WWOX: variants seen among roughly 807,000 people sequenced by gnomAD.
The protein encoded by WWOX is WW domain-containing oxidoreductase.
Under a neutral mutation model 46.2 loss-of-function variants are expected in WWOX, and 69 were observed. The ratio of observed to expected loss-of-function variants is 1.49; its 90% CI spans 1.23 to 1.82. WWOX has a LOEUF of 1.82. Ranked by LOEUF, WWOX falls within the 40% of genes most tolerant of loss-of-function variation. The pLI, the probability that WWOX is intolerant of heterozygous loss-of-function variation, is 0.00. For missense variants in WWOX, 919 were observed against 542.6 expected (o/e 1.69, Z -6.89); for synonymous variants, 359 against 202.6 (o/e 1.77, Z -6.56).
rs1378115402 is a variant in WWOX at position 78,264,013 on chromosome 16, TTTG to T, written c.516+99727_516+99729del. The stretch of plus-strand genomic sequence containing the variant: ...TGTGAAATCTTTTTTTTTTTTTTTT[TTTG>T]TTTTTTTGCTGTGGAGCGCAAAATG... On this transcript the variant is annotated intron_variant, in intron 5 of 8. Transcript: ENST00000566780. 9.9e-4 allele frequency among the ~76,000 whole-genome samples: 139 copies of T among 140,328 alleles called. 33 individuals carry two copies. The highest frequency in any genetic ancestry group is 6.5e-3 in the South Asian group (27 of 4,154). The allele number at this position is 140,328 out of a possible 152,430, so 92.1% of individuals were successfully genotyped here. A position where few individuals can be genotyped will look rare whatever the true frequency, so the allele number is the denominator to read the frequency against.
intron 8 of WWOX, among the ~76,000 whole-genome samples, chr16:78,457,852 C>T (rs969607795): frequency 1.4e-5 from 2 of 143,928 alleles, no homozygotes; most frequent in African/African-American, 5.4e-5. Flanking sequence ...GGAGGCGGAG[C>T]TTTCAGTGAG....
rs562969137 is a variant in WWOX, at chr16:78,178,002, A to T, written c.516+13713A>T. Among the ~76,000 whole-genome samples, 322 of 152,348 alleles carry T rather than the reference A, an allele frequency of 2.1e-3. 2 individuals are homozygous for T. Among genetic ancestry groups the T allele is most frequent in the African/African-American group, 7.0e-3 (291 of 41,588 alleles). On this transcript the variant is annotated intron_variant, in intron 5 of 8. Coordinates refer to ENST00000566780, the MANE Select transcript of WWOX (RefSeq NM_016373.4). ...CCATTAACAAATTATAAGAGAAAGC[A>T]TTCCTCACTTGTAGAAACTCCATGA...
chr16:78,863,282 A>G (rs907285203), intron 8 of WWOX, among the ~76,000 whole-genome samples: 1 of 152,212 alleles, frequency 6.6e-6, no homozygotes, highest in Non-Finnish European at 1.5e-5. Flanking sequence ...TAACTTGGAA[A>G]CAATGAGCAG....
chr16:78,972,520 A>G (rs2046491770), intron 8 of WWOX, among the ~76,000 whole-genome samples: 1 of 151,920 alleles, frequency 6.6e-6, no homozygotes, highest in African/African-American at 2.4e-5. Context: ...AGGCTCACTG[A>G]CCATCTCTGG....
chr16:78,501,423 C>G (rs992684279), intron 8 of WWOX, among the ~76,000 whole-genome samples: 6 of 152,022 alleles, frequency 3.9e-5, no homozygotes, highest in African/African-American at 1.4e-4. Flanking sequence ...TTGAGACAGC[C>G]TGCAAAATAG....
At chr16:78,961,089 C>G (rs1049089491) in intron 8 of WWOX, among the ~76,000 whole-genome samples, 1 of 152,128 alleles carries the variant, frequency 6.6e-6, no homozygotes, top group African/African-American at 2.4e-5. Context: ...GTGTTCTCAG[C>G]TCATGGTGCA....
At chr16:78,615,876 G>A (rs1158794514) in intron 8 of WWOX, among the ~76,000 whole-genome samples, 9 of 151,196 alleles carry the variant, frequency 6.0e-5, no homozygotes, top group East Asian at 5.9e-4. Flanking sequence ...TCAGCCTCCC[G>A]AGTAGTTGGG....
At chr16:78,538,574 A>G (rs2043815626) in intron 8 of WWOX, among the ~76,000 whole-genome samples, 1 of 152,160 alleles carries the variant, frequency 6.6e-6, no homozygotes, top group Non-Finnish European at 1.5e-5. Flanking sequence ...TGAACTGCTC[A>G]TTCTGTTCTC....
chr16:78,828,796 C>G (rs2051732193), intron 8 of WWOX, among the ~76,000 whole-genome samples: 1 of 152,132 alleles, frequency 6.6e-6, no homozygotes, highest in Non-Finnish European at 1.5e-5. Flanking sequence ...TGCCATTTAG[C>G]CTCAGCTGGA....
intron 8 of WWOX, among the ~76,000 whole-genome samples, chr16:78,666,005 C>T (rs966439776): frequency 5.3e-5 from 8 of 151,808 alleles, no homozygotes; most frequent in African/African-American, 1.4e-4. Context: ...GATGTGGGGG[C>T]CAGGCACAGT....
At position 78,388,197 on chromosome 16, in the gene WWOX, A is replaced by G. The variant is rs113476490; in HGVS notation, c.605+1249A>G. Among the ~76,000 whole-genome samples the G allele has an allele frequency of 2.6e-3, 397 of 152,226 alleles. 4 individuals carry two copies. The highest frequency in any genetic ancestry group is 9.3e-3 in the African/African-American group (387 of 41,548). ...AGATGCCTGCCACCATGGCCTGCTA[A>G]TTTTTGTATTTTTAGTAGACATAGG... is the stretch of plus-strand genomic sequence containing the variant. On this transcript the variant is annotated intron_variant, in intron 6 of 8. Coordinates refer to ENST00000566780, the MANE Select transcript of WWOX (RefSeq NM_016373.4).
chr16:78,660,818 T>C (rs2047192435), intron 8 of WWOX, among the ~76,000 whole-genome samples: 1 of 152,186 alleles, frequency 6.6e-6, no homozygotes, highest in African/African-American at 2.4e-5. Flanking sequence ...TTTCAAAAAA[T>C]GCATGCAACT....
intron 8 of WWOX, among the ~76,000 whole-genome samples, chr16:79,159,797 G>C (rs888462188): frequency 1.3e-5 from 2 of 152,162 alleles, no homozygotes; most frequent in African/African-American, 4.8e-5. Flanking sequence ...CTCATGCTAG[G>C]TGACTTTCTA....
chr16:79,154,667 C>G (rs2150738132), intron 8 of WWOX, among the ~76,000 whole-genome samples: 2 of 152,330 alleles, frequency 1.3e-5, no homozygotes, highest in South Asian at 2.1e-4. Flanking sequence ...TGGATGTACA[C>G]TGTAAAACAA....
At chr16:79,144,640 T>G (rs2050151369) in intron 8 of WWOX, among the ~76,000 whole-genome samples, 1 of 152,184 alleles carries the variant, frequency 6.6e-6, no homozygotes, top group African/African-American at 2.4e-5. Context: ...AAACCCGACT[T>G]TTGACTTTAT....
intron 8 of WWOX, among the ~76,000 whole-genome samples, chr16:78,469,980 C>T (rs2084182497): frequency 6.6e-6 from 1 of 152,238 alleles, no homozygotes; most frequent in African/African-American, 2.4e-5. Flanking sequence ...GTGATGCTAG[C>T]TGCTATAACA....
intron 8 of WWOX, among the ~76,000 whole-genome samples, chr16:79,050,357 C>G (rs186829082): frequency 1.3e-5 from 2 of 152,304 alleles, no homozygotes; most frequent in East Asian, 3.9e-4. Context: ...ACATGTCTCT[C>G]ATCTTCCTGG....
chr16:78,368,658 A>C (rs2081594315), intron 5 of WWOX, among the ~76,000 whole-genome samples: 1 of 152,156 alleles, frequency 6.6e-6, no homozygotes, highest in Admixed American at 6.5e-5. Context: ...AGTGGCTTCT[A>C]ATGGACATTT....
chr16:79,096,706 C>G (rs1178732724), intron 8 of WWOX, among the ~76,000 whole-genome samples: 1 of 152,192 alleles, frequency 6.6e-6, no homozygotes, highest in African/African-American at 2.4e-5. Flanking sequence ...TCTCCCCGCT[C>G]TTTGAGAATG....
Sources: gnomAD v4.1 joint callset for allele counts (sites outside exome capture counted in the v4.1 genomes callset) on GRCh38, gnomAD v4.1.1 for gene constraint, MANE v1.5 for transcripts, NCBI Gene and HGNC (gene_info 2026-07-23, HGNC 2026-07-21) for gene names.